ARRDC1: variants seen among roughly 807,000 people sequenced by gnomAD.
ARRDC1 encodes arrestin domain-containing protein 1.
A neutral mutation model predicts 40.1 loss-of-function variants in ARRDC1; 37 were observed. That is an observed-to-expected ratio of 0.92 (90% confidence interval 0.71 to 1.21). The LOEUF is 1.21. Among genes scored for constraint, ARRDC1 ranks in the 50% most tolerant of loss-of-function variants. The probability of loss-of-function intolerance (pLI) is 0.00; values close to 1 mark genes in which losing one functional copy is unlikely to be tolerated. For synonymous variants in ARRDC1, 310 were observed against 262.5 expected (o/e 1.18, Z -1.75); for missense variants, 641 against 581.9 (o/e 1.10, Z -1.04).
At chr9:137,608,804 C>T (rs1269742896) in intron 1 of ARRDC1, among the ~76,000 whole-genome samples, 1 of 152,220 alleles carries the variant, frequency 6.6e-6, no homozygotes, top group African/African-American at 2.4e-5. Context: ...CTCCCGTGTT[C>T]TTACTGAGGA....
At position 137,615,157 on chromosome 9, in the gene ARRDC1, A is replaced by G; in HGVS notation, c.*19A>G. The G allele has an allele frequency of 6.6e-7, 1 of 1,518,028 alleles. No homozygotes were observed. Among genetic ancestry groups the G allele is most frequent in the Non-Finnish European group, 8.8e-7 (1 of 1,133,834 alleles). 94.0% of individuals were successfully genotyped at this position (1,518,028 alleles called of 1,614,324 possible). ...GAGCTGACCCCGTGCTGCCTTCTCC[A>G]GGCAGGCCTGGCCTCTGCCCTGGGA... is the stretch of plus-strand genomic sequence containing the variant. On this transcript the variant is annotated 3_prime_UTR_variant, in exon 8 of 8. Coordinates refer to ENST00000371421, the MANE Select transcript of ARRDC1 (RefSeq NM_152285.4).
Position 137,613,783 on chromosome 9 carries a change from A to G in ARRDC1, c.435+14A>G, listed in dbSNP as rs200021050. On this transcript the variant is annotated intron_variant, in intron 4 of 7. Transcript: ENST00000371421. ...CCAGACATTGAGGTGAGGATGGCAC[A>G]GTGACCTCCTTGGTGGGTCCCCACC... The G allele has an allele frequency of 1.4e-4, 224 of 1,613,558 alleles. No homozygotes were observed. In the African/African-American group the frequency reaches 2.7e-3, roughly 19 times the overall value.
chr9:137,607,044 C>G (rs934101415), intron 1 of ARRDC1, among the ~76,000 whole-genome samples: 5 of 152,224 alleles, frequency 3.3e-5, no homozygotes, highest in African/African-American at 1.2e-4. Flanking sequence ...GTAATCCCAG[C>G]ACTTTGGGCA....
At chr9:137,608,305 G>A (rs1026924205) in intron 1 of ARRDC1, among the ~76,000 whole-genome samples, 12 of 152,242 alleles carry the variant, frequency 7.9e-5, no homozygotes, top group African/African-American at 2.9e-4. Flanking sequence ...AAACCTGCAT[G>A]GGGGAGGAGG....
chr9:137,609,859 G>T (rs1408467468), intron 1 of ARRDC1, among the ~76,000 whole-genome samples: 1 of 151,754 alleles, frequency 6.6e-6, no homozygotes, highest in Non-Finnish European at 1.5e-5. Flanking sequence ...CAATCTGATG[G>T]ATTGAAATGG....
rs188175995 is a variant in ARRDC1, at chr9:137,608,932, C to T, written c.118+3097C>T. 6.6e-5 allele frequency among the ~76,000 whole-genome samples: 10 copies of T among 152,280 alleles called. No individual in the cohort carries two copies. The East Asian group carries it at 1.4e-3, about 21-fold the overall frequency. ...TGCAAAACGGGGCCATCTGCATGGG[C>T]GTTGGGAAGATCACAGAACCTGGAC... On this transcript the variant is annotated intron_variant, in intron 1 of 7. Coordinates refer to ENST00000371421, the MANE Select transcript of ARRDC1 (RefSeq NM_152285.4).
intron 1 of ARRDC1, chr9:137,611,955 G>C (rs1230242976): frequency 6.6e-6 from 1 of 152,374 alleles, no homozygotes; most frequent in Non-Finnish European, 1.5e-5. Context: ...GTCAGAGTCT[G>C]AGTCACCTTT....
At position 137,614,747 on chromosome 9, in the gene ARRDC1, C is replaced by T. The variant is rs2133350995; in HGVS notation, c.984C>T (p.Phe328=). ...EAEAAAGGPH[F]LDPVFLSTKS... ...AGGCTGCGGCTGGCGGCCCCCACTTCTTGGACCCCGTCTTCCTCTCCACCA... is the reference window on the plus strand; with the variant it reads ...AGGCTGCGGCTGGCGGCCCCCACTTTTTGGACCCCGTCTTCCTCTCCACCA... The change falls in exon 7 of 8, where the codon TTC becomes TTT. Residue 328 remains phenylalanine, a synonymous_variant. Coordinates refer to ENST00000371421, the MANE Select transcript of ARRDC1 (RefSeq NM_152285.4). 1 of 1,609,334 alleles carries T rather than the reference C, an allele frequency of 6.2e-7. No individual in the cohort carries two copies. Among genetic ancestry groups the T allele is most frequent in the Non-Finnish European group, 8.5e-7 (1 of 1,177,884 alleles).
chr9:137,614,354 T>C lies in ARRDC1; in HGVS notation c.674T>C (p.Val225Ala), dbSNP rs1418078047. The C allele has an allele frequency of 6.2e-7, 1 of 1,612,460 alleles. No individual in the cohort carries two copies. The highest frequency in any genetic ancestry group is 1.1e-5 in the South Asian group (1 of 90,912). ...WIHDVRTIAE[V>A]EGAGVKAWRR... ...CACGACGTACGGACCATTGCGGAGGTGGAGGGTGCGGGCGTCAAGGCCTGG... is the reference window on the plus strand; with the variant it reads ...CACGACGTACGGACCATTGCGGAGGCGGAGGGTGCGGGCGTCAAGGCCTGG... The change falls in exon 6 of 8, where the codon GTG (valine) becomes GCG (alanine). Residue 225 changes from valine (V) to alanine (A), a missense_variant. Coordinates refer to ENST00000371421, the MANE Select transcript of ARRDC1 (RefSeq NM_152285.4).
chr9:137,611,293 A>G (rs1025980197), intron 1 of ARRDC1, among the ~76,000 whole-genome samples: 1 of 152,170 alleles, frequency 6.6e-6, no homozygotes, highest in Non-Finnish European at 1.5e-5. Context: ...TCATGCCTGT[A>G]ATCCCAACAC....
chr9:137,613,703 T>C lies in ARRDC1; in HGVS notation c.369T>C (p.Asp123=), dbSNP rs139403185. ...AAIHTPRFSK[D]HKCSLVFYIL... ...TCCACACGCCACGGTTTTCCAAGGA[T>C]CACAAGTGCAGCCTCGTGTTCTATA... Residue 123 remains aspartate, a synonymous_variant, in exon 4 of 8, where the codon GAT becomes GAC. Coordinates refer to ENST00000371421, the MANE Select transcript of ARRDC1 (RefSeq NM_152285.4). The C allele has an allele frequency of 9.2e-5, 149 of 1,614,060 alleles. No individual in the cohort carries two copies. The highest frequency in any genetic ancestry group is 1.3e-4 in the Non-Finnish European group (149 of 1,180,032).
Position 137,614,193 on chromosome 9 carries a change from TGTG to T in ARRDC1, c.602_604del (p.Val201del). On this transcript the variant is annotated inframe_deletion, in exon 5 of 8. Transcript: ENST00000371421. ...ACCAGTCAGGCAAGGACACCAGCCC[TGTG>T]GTGGCCAGTCTGCTGCAGGTCAGAG... 6.2e-7 allele frequency: 1 copy of T among 1,601,994 alleles called. No individual in the cohort carries two copies. The highest frequency in any genetic ancestry group is 1.1e-5 in the South Asian group (1 of 90,288).
intron 1 of ARRDC1, among the ~76,000 whole-genome samples, chr9:137,610,750 A>G (rs1842500992): frequency 6.6e-6 from 1 of 152,114 alleles, no homozygotes. Flanking sequence ...TCTAGTAGAG[A>G]TGGGGTTTCT....
intron 1 of ARRDC1, among the ~76,000 whole-genome samples, chr9:137,607,873 T>C (rs1207965441): frequency 1.3e-5 from 2 of 152,160 alleles, no homozygotes; most frequent in Non-Finnish European, 2.9e-5. Context: ...AGTGGTCACT[T>C]GAGAACGCAG....
At position 137,614,308 on chromosome 9, in the gene ARRDC1, T is replaced by C. The variant is rs200811759; in HGVS notation, c.628T>C (p.Tyr210His). ...GCTGGTCCTTCCCCAGAAAGTGTCC[T>C]ATAAGGCCAAGCGCTGGATCCACGA... is the stretch of plus-strand genomic sequence containing the variant. ...VVASLLQKVS[Y>H]KAKRWIHDVR... Residue 210 changes from tyrosine (Y) to histidine (H), a missense_variant, in exon 6 of 8, where the codon TAT becomes CAT. Coordinates refer to ENST00000371421, the MANE Select transcript of ARRDC1 (RefSeq NM_152285.4). 1.3e-6 allele frequency: 2 copies of C among 1,598,520 alleles called. No individual in the cohort carries two copies. Among genetic ancestry groups the C allele is most frequent in the Admixed American group, 1.7e-5 (1 of 58,706 alleles).
chr9:137,614,263 C>T, intron 5 of ARRDC1, 36 bp from the exon 6 acceptor site: 1 of 1,576,400 alleles, frequency 6.3e-7, no homozygotes, highest in Non-Finnish European at 8.6e-7. Context: ...GGTGGGCTGG[C>T]AGCCTGCGCA....
At chr9:137,610,310 A>C (rs933534440) in intron 1 of ARRDC1, among the ~76,000 whole-genome samples, 1 of 152,158 alleles carries the variant, frequency 6.6e-6, no homozygotes, top group African/African-American at 2.4e-5. Context: ...ACCAGCTGGG[A>C]TCACTTGAGG....
chr9:137,605,795 G>T lies in ARRDC1; in HGVS notation c.78G>T (p.Gly26=). The part of the protein sequence containing the change: ...VVYSPGEPLA[G]TVRVRLGAPL... Reference sequence around the variant, plus strand: ...ACAGCCCCGGGGAGCCGTTGGCTGGGACCGTGCGCGTGCGCCTGGGGGCAC... The same window carrying T: ...ACAGCCCCGGGGAGCCGTTGGCTGGTACCGTGCGCGTGCGCCTGGGGGCAC... The change falls in exon 1 of 8, where the codon GGG becomes GGT. Residue 26 remains glycine, a synonymous_variant. Transcript: ENST00000371421. The T allele has an allele frequency of 7.7e-7, 1 of 1,304,918 alleles. No homozygotes were observed. Among genetic ancestry groups the T allele is most frequent in the Non-Finnish European group, 9.7e-7 (1 of 1,027,254 alleles). 80.8% of individuals were successfully genotyped at this position (1,304,918 alleles called of 1,614,324 possible). A position where few individuals can be genotyped will look rare whatever the true frequency, so the allele number is the denominator to read the frequency against.
In ARRDC1 at chr9:137,615,275, C is replaced by G; in HGVS notation, c.*137C>G. On this transcript the variant is annotated 3_prime_UTR_variant, in exon 8 of 8. Transcript: ENST00000371421. ...TCTGCCAGCTCCTCTGGCATCCGCC[C>G]TCTTCTCCCTGGGGCTGGGGTGGGG... 1 of 830,784 alleles carries G rather than the reference C, an allele frequency of 1.2e-6. No homozygotes were observed. The highest frequency in any genetic ancestry group is 1.8e-6 in the Non-Finnish European group (1 of 570,092). 51.5% of individuals were successfully genotyped at this position (830,784 alleles called of 1,614,324 possible).
Sources: gnomAD v4.1 joint callset for allele counts (sites outside exome capture counted in the v4.1 genomes callset) on GRCh38, gnomAD v4.1.1 for gene constraint, MANE v1.5 for transcripts, NCBI Gene and HGNC (gene_info 2026-07-23, HGNC 2026-07-21) for gene names.